The following FARS2 variants were observed in gnomAD, a reference collection of about 807,000 sequenced individuals.
FARS2 encodes phenylalanyl-tRNA synthetase 2, mitochondrial.
Under a neutral mutation model 46.4 loss-of-function variants are expected in FARS2, and 40 were observed. The observed-to-expected ratio is 0.86, with a 90% CI of 0.67 to 1.12. The LOEUF (loss-of-function observed/expected upper bound fraction) is 1.12, where lower values mean the gene tolerates loss of function less well. Among genes scored for constraint, FARS2 ranks in the 50% most tolerant of loss-of-function variants. The pLI is 0.00. For missense variants in FARS2, 513 were observed against 567.9 expected (o/e 0.90, Z 0.98); for synonymous variants, 234 against 214.9 (o/e 1.09, Z -0.78).
chr6:5,734,808 T>C (rs779197770), intron 6 of FARS2, among the ~76,000 whole-genome samples: 5 of 152,112 alleles, frequency 3.3e-5, no homozygotes, highest in Admixed American at 6.5e-5. Context: ...TGTAGATAGA[T>C]AGATACATAC....
chr6:5,459,959 G>A (rs910358514), intron 4 of FARS2, among the ~76,000 whole-genome samples: 1 of 110,872 alleles, frequency 9.0e-6, no homozygotes, highest in African/African-American at 4.4e-5. Flanking sequence ...TGAGGACTTA[G>A]CCATGTCTTC....
chr6:5,609,401 A>C, intron 5 of FARS2: 1 of 1,269,894 alleles, frequency 7.9e-7, no homozygotes, highest in African/African-American at 1.4e-5. Context: ...TGTAATTGCC[A>C]AAATCATTGT....
intron 5 of FARS2, among the ~76,000 whole-genome samples, chr6:5,568,153 G>A (rs1772427028): frequency 6.6e-6 from 1 of 152,090 alleles, no homozygotes; most frequent in Non-Finnish European, 1.5e-5. Flanking sequence ...TGTGTCTCTT[G>A]CTGTTTTTCT....
intron 5 of FARS2, among the ~76,000 whole-genome samples, chr6:5,558,403 A>C (rs1476965059): frequency 6.6e-6 from 1 of 152,192 alleles, no homozygotes; most frequent in Non-Finnish European, 1.5e-5. Flanking sequence ...TGCAACCTTG[A>C]AGATGAAGAA....
intron 4 of FARS2, among the ~76,000 whole-genome samples, chr6:5,524,336 C>T (rs1209185367): frequency 6.6e-6 from 1 of 152,214 alleles, no homozygotes; most frequent in East Asian, 1.9e-4. Context: ...ACAGAGTGAG[C>T]TGGTCATGTA....
At chr6:5,532,544 G>A (rs572391532) in intron 4 of FARS2, among the ~76,000 whole-genome samples, 8 of 152,284 alleles carry the variant, frequency 5.3e-5, no homozygotes, top group East Asian at 1.9e-4. Flanking sequence ...AGCGTCAGGC[G>A]TTCCAGACCA....
chr6:5,655,880 A>G (rs905840441), intron 6 of FARS2, among the ~76,000 whole-genome samples: 1 of 152,178 alleles, frequency 6.6e-6, no homozygotes, highest in Admixed American at 6.5e-5. Context: ...GTCTCTGAGT[A>G]TTTATGGACC....
intron 6 of FARS2, among the ~76,000 whole-genome samples, chr6:5,614,455 G>C (rs1186912892): frequency 6.7e-6 from 1 of 150,166 alleles, no homozygotes; most frequent in Non-Finnish European, 1.5e-5. Flanking sequence ...TGTCGCCCAG[G>C]CTGGAGTGCA....
intron 6 of FARS2, among the ~76,000 whole-genome samples, chr6:5,729,857 C>G (rs562185284): frequency 5.3e-5 from 8 of 152,342 alleles, no homozygotes; most frequent in African/African-American, 1.9e-4. Flanking sequence ...TTTGAAAACT[C>G]TATGGACATT....
intron 5 of FARS2, among the ~76,000 whole-genome samples, chr6:5,576,729 T>C (rs1416214221): frequency 6.6e-6 from 1 of 151,526 alleles, no homozygotes; most frequent in African/African-American, 2.4e-5. Flanking sequence ...CTCCCAACTT[T>C]ATGTATTCAT....
At chr6:5,524,859 A>G (rs1163562266) in intron 4 of FARS2, among the ~76,000 whole-genome samples, 1 of 152,154 alleles carries the variant, frequency 6.6e-6, no homozygotes, top group African/African-American at 2.4e-5. Context: ...CTGTATGGCT[A>G]TGCTTATAGG....
chr6:5,460,597 G>A (rs77429448), intron 4 of FARS2, among the ~76,000 whole-genome samples: 3,746 of 152,180 alleles, frequency 0.025, 146 homozygotes, highest in African/African-American at 0.085. Context: ...GGCCGCCTCT[G>A]TGACTATTCA....
intron 1 of FARS2, among the ~76,000 whole-genome samples, chr6:5,300,935 A>G (rs920698715): frequency 7.9e-5 from 12 of 151,798 alleles, no homozygotes; most frequent in Non-Finnish European, 1.5e-5. Flanking sequence ...GGGTCTTGCC[A>G]TGTTGCCCAG....
At chr6:5,383,956 C>G (rs1759957848) in intron 2 of FARS2, among the ~76,000 whole-genome samples, 1 of 151,986 alleles carries the variant, frequency 6.6e-6, no homozygotes, top group South Asian at 2.1e-4. Flanking sequence ...ATCTCTTTCT[C>G]TCTGTTTGAT....
chr6:5,396,149 C>A (rs1026331701), intron 2 of FARS2, among the ~76,000 whole-genome samples: 1 of 152,028 alleles, frequency 6.6e-6, no homozygotes, highest in East Asian at 1.9e-4. Context: ...AAACTGCTTC[C>A]CAAGAGCTCC....
chr6:5,667,349 C>T (rs1157237101), intron 6 of FARS2, among the ~76,000 whole-genome samples: 3 of 152,010 alleles, frequency 2.0e-5, no homozygotes, highest in African/African-American at 4.8e-5. Context: ...GAAACCCCAT[C>T]GCTACTAAAA....
chr6:5,252,007 G>A, the FARS2 span, among the ~76,000 whole-genome samples: 1 of 152,158 alleles, frequency 6.6e-6, no homozygotes, highest in African/African-American at 2.4e-5. Context: ...CCTTCATTAA[G>A]ACAGCAATCA....
intron 1 of FARS2, among the ~76,000 whole-genome samples, chr6:5,310,614 A>G (rs931985804): frequency 9.2e-5 from 14 of 152,210 alleles, no homozygotes; most frequent in Admixed American, 3.3e-4. Flanking sequence ...TACAAATGCT[A>G]AAAACAAATG....
chr6:5,597,784 A>G (rs1296537513), intron 5 of FARS2, among the ~76,000 whole-genome samples: 1 of 152,226 alleles, frequency 6.6e-6, no homozygotes. Flanking sequence ...AGAAAAGCCA[A>G]TTTTTAAAAA....
Sources: gnomAD v4.1 joint callset for allele counts (sites outside exome capture counted in the v4.1 genomes callset) on GRCh38, gnomAD v4.1.1 for gene constraint, MANE v1.5 for transcripts, NCBI Gene and HGNC (gene_info 2026-07-23, HGNC 2026-07-21) for gene names.